ANO3: variants seen among roughly 807,000 people sequenced by gnomAD.
ANO3 encodes the protein anoctamin 3.
ANO3 carries 99 observed loss-of-function variants against 144.8 expected under a neutral mutation model. That is an observed-to-expected ratio of 0.68 (90% CI 0.58 to 0.81). ANO3 has a LOEUF of 0.81. ANO3 is among the 30% of genes least tolerant of loss of function. The pLI is 0.00. For synonymous variants in ANO3, 414 were observed against 392.6 expected, an observed-to-expected ratio of 1.05 and a Z score of -0.64; for missense variants, 905 against 1,202.2, an observed-to-expected ratio of 0.75 and a Z score of 3.66.
chr11:26,648,416 A>G (rs1358610755), intron 24 of ANO3, among the ~76,000 whole-genome samples: 1 of 152,188 alleles, frequency 6.6e-6, no homozygotes, highest in Non-Finnish European at 1.5e-5. Context: ...CAGCCTCTGC[A>G]CTATTGACGT....
At chr11:26,267,760 T>C (rs1029054719) in intron 1 of ANO3, among the ~76,000 whole-genome samples, 1 of 152,196 alleles carries the variant, frequency 6.6e-6, no homozygotes, top group African/African-American at 2.4e-5. Flanking sequence ...CAAAATGATC[T>C]TGTGCACTTA....
intron 1 of ANO3, among the ~76,000 whole-genome samples, chr11:26,218,057 CATA>C (rs1277386137): frequency 6.6e-6 from 1 of 152,102 alleles, no homozygotes; most frequent in African/African-American, 2.4e-5. Context: ...CCAGGAAAAT[CATA>C]ATAATTCTAA....
chr11:26,431,962 G>T (rs1206450123), intron 1 of ANO3, among the ~76,000 whole-genome samples: 1 of 152,008 alleles, frequency 6.6e-6, no homozygotes, highest in Non-Finnish European at 1.5e-5. Context: ...CTTTTTTTTA[G>T]CTCTTTGAGG....
rs1293298817 is a variant in ANO3, at chr11:26,407,066, G to GTATATA, written c.47-34851_47-34850insATATAT. ...TATATGGGTGTGTGTGTGTGTGTGTGTGTGTGTGTGTATATATATATATAT... is the reference window on the plus strand; with the variant it reads ...TATATGGGTGTGTGTGTGTGTGTGTGTATATATGTGTGTGTGTATATATATATATAT... On this transcript the variant is annotated intron_variant, in intron 1 of 26. Transcript: ENST00000256737. Among the ~76,000 whole-genome samples, 425 of 57,198 alleles carry GTATATA rather than the reference G, an allele frequency of 7.4e-3. 2 individuals are homozygous for GTATATA. Among genetic ancestry groups the GTATATA allele is most frequent in the South Asian group, 0.026 (33 of 1,280 alleles). The allele number at this position is 57,198 out of a possible 152,430, so 37.5% of individuals were successfully genotyped here. A position where few individuals can be genotyped will look rare whatever the true frequency, so the allele number is the denominator to read the frequency against.
At chr11:26,277,144 C>A (rs1853576325) in intron 1 of ANO3, among the ~76,000 whole-genome samples, 1 of 151,984 alleles carries the variant, frequency 6.6e-6, no homozygotes, top group Non-Finnish European at 1.5e-5. Flanking sequence ...CTCTATTTCA[C>A]AAAATATCCT....
At position 26,441,947 on chromosome 11, in the gene ANO3, A is replaced by G; in HGVS notation, c.76A>G (p.Lys26Glu). The change falls in exon 2 of 27, where the codon AAA becomes GAA. Residue 26 changes from lysine (K) to glutamate (E), a missense_variant. This residue lies in a region of ANO3 where 174 missense variants were observed against 171.9 expected (regional missense o/e 1.01). Coordinates refer to ENST00000256737, the MANE Select transcript of ANO3 (RefSeq NM_031418.4). ...GMNISKSEIT[K>E]ETSLKPSRRS... ...GAATATAAGCAAGAGTGAGATAACAAAAGAAACTTCGTTAAAACCGTCTCG... is the reference window on the plus strand; with the variant it reads ...GAATATAAGCAAGAGTGAGATAACAGAAGAAACTTCGTTAAAACCGTCTCG... The G allele has an allele frequency of 6.2e-7, 1 of 1,613,712 alleles. No homozygotes were observed. The highest frequency in any genetic ancestry group is 1.1e-5 in the South Asian group (1 of 90,920).
intron 8 of ANO3, among the ~76,000 whole-genome samples, chr11:26,533,588 T>C (rs1047478941): frequency 6.6e-6 from 1 of 151,972 alleles, no homozygotes; most frequent in African/African-American, 2.4e-5. Flanking sequence ...AGTAAGGGAG[T>C]GCTCTGAAAA....
chr11:26,229,100 A>AT (rs5790564), intron 1 of ANO3, among the ~76,000 whole-genome samples: 54,908 of 151,468 alleles, frequency 0.36, 11,002 homozygotes, highest in Non-Finnish European at 0.44. Flanking sequence ...TAAAGAGGAC[A>AT]TTTTTTTTTC....
chr11:26,340,606 A>G (rs1855331015), intron 1 of ANO3, among the ~76,000 whole-genome samples: 1 of 152,156 alleles, frequency 6.6e-6, no homozygotes, highest in Non-Finnish European at 1.5e-5. Context: ...GTCAATTTCA[A>G]AAACAATTTG....
chr11:26,438,611 A>AAAAAAAAG (rs1565024981), intron 1 of ANO3, among the ~76,000 whole-genome samples: 90 of 35,484 alleles, frequency 2.5e-3, no homozygotes, highest in Non-Finnish European at 4.2e-3. Flanking sequence ...AAAAAAAAGA[A>AAAAAAAAG]AAAAAAAAAA....
chr11:26,209,407 G>A (rs1028794296), intron 1 of ANO3, among the ~76,000 whole-genome samples: 1 of 152,138 alleles, frequency 6.6e-6, no homozygotes, highest in Admixed American at 6.5e-5. Context: ...TGGACATTTG[G>A]GTTGGTTCCA....
intron 1 of ANO3, among the ~76,000 whole-genome samples, chr11:26,271,603 G>A (rs1227789287): frequency 1.3e-5 from 2 of 151,842 alleles, no homozygotes; most frequent in Admixed American, 1.3e-4. Context: ...TTATTGTCCT[G>A]TTTTTATTTC....
intron 4 of ANO3, among the ~76,000 whole-genome samples, chr11:26,484,999 G>A (rs904191214): frequency 6.6e-6 from 1 of 152,156 alleles, no homozygotes; most frequent in African/African-American, 2.4e-5. Context: ...CCTAATGCCT[G>A]TATCCCCATT....
chr11:26,324,493 C>T (rs143371568), intron 1 of ANO3, among the ~76,000 whole-genome samples: 6 of 152,260 alleles, frequency 3.9e-5, no homozygotes, highest in East Asian at 1.9e-4. Context: ...TTGAAAGACA[C>T]GCCAATGACT....
intron 1 of ANO3, among the ~76,000 whole-genome samples, chr11:26,288,644 T>C (rs1287751730): frequency 6.6e-6 from 1 of 152,162 alleles, no homozygotes; most frequent in African/African-American, 2.4e-5. Flanking sequence ...ATTATGTGTC[T>C]GGAGCAATAG....
At chr11:26,565,855 A>G in intron 14 of ANO3, 1 of 1,609,630 alleles carries the variant, frequency 6.2e-7, no homozygotes, top group Non-Finnish European at 8.5e-7. Context: ...GCTAAGGCCA[A>G]CATTGTAGGC....
At chr11:26,523,571 C>T (rs1228809983) in intron 6 of ANO3, among the ~76,000 whole-genome samples, 1 of 152,146 alleles carries the variant, frequency 6.6e-6, no homozygotes, top group Non-Finnish European at 1.5e-5. Flanking sequence ...GGAGAAAGTA[C>T]TTATAATGGC....
At chr11:26,548,417 A>G (rs938621543) in intron 12 of ANO3, among the ~76,000 whole-genome samples, 1 of 151,862 alleles carries the variant, frequency 6.6e-6, no homozygotes, top group Admixed American at 6.6e-5. Context: ...TATGAAAAAT[A>G]TCTCTCCCCT....
intron 1 of ANO3, among the ~76,000 whole-genome samples, chr11:26,358,069 T>G (rs1855829030): frequency 6.6e-6 from 1 of 152,152 alleles, no homozygotes; most frequent in African/African-American, 2.4e-5. Context: ...GGTAGCTTTA[T>G]AGAAAATATT....
Sources: gnomAD v4.1 joint callset for allele counts (sites outside exome capture counted in the v4.1 genomes callset) on GRCh38, gnomAD v4.1.1 for gene constraint, gnomAD v4.1.1 regional missense constraint, MANE v1.5 for transcripts, NCBI Gene and HGNC (gene_info 2026-07-23, HGNC 2026-07-21) for gene names.